CAPZB: variants seen among roughly 807,000 people sequenced by gnomAD.
The protein encoded by CAPZB is capping actin protein of muscle Z-line subunit beta.
Under a neutral mutation model 38.1 loss-of-function variants are expected in CAPZB, and 2 were observed. That is an observed-to-expected ratio of 0.05 (90% confidence interval 0.02 to 0.17). CAPZB has a LOEUF of 0.17. CAPZB is among the 10% of genes least tolerant of loss of function. The pLI is 1.00. For missense variants in CAPZB, 161 were observed against 334.2 expected, an observed-to-expected ratio of 0.48 and a Z score of 4.04; for synonymous variants, 107 against 127.4, an observed-to-expected ratio of 0.84 and a Z score of 1.08.
At chr1:19,426,172 C>A (rs1432464433) in intron 1 of CAPZB, among the ~76,000 whole-genome samples, 1 of 152,188 alleles carries the variant, frequency 6.6e-6, no homozygotes, top group Non-Finnish European at 1.5e-5. Context: ...TATGCTGGCC[C>A]GAGGAGCTAG....
At chr1:19,408,784 A>G (rs1186914875) in intron 2 of CAPZB, among the ~76,000 whole-genome samples, 3 of 152,220 alleles carry the variant, frequency 2.0e-5, no homozygotes, top group Non-Finnish European at 4.4e-5. Flanking sequence ...GGCAGACTCA[A>G]AGCCACAGCC....
intron 8 of CAPZB, among the ~76,000 whole-genome samples, chr1:19,342,100 C>T (rs187774634): frequency 1.6e-4 from 24 of 152,350 alleles, no homozygotes; most frequent in Admixed American, 5.2e-4. Context: ...TTTCCATTAG[C>T]GAAACCTGTT....
intron 2 of CAPZB, among the ~76,000 whole-genome samples, chr1:19,395,160 G>A (rs2094259927): frequency 6.6e-6 from 1 of 152,216 alleles, no homozygotes; most frequent in Non-Finnish European, 1.5e-5. Context: ...CGAGGGTGCA[G>A]CAGCATCTGT....
intron 2 of CAPZB, among the ~76,000 whole-genome samples, chr1:19,398,940 T>C (rs1464472048): frequency 6.7e-6 from 1 of 149,592 alleles, no homozygotes; most frequent in Non-Finnish European, 1.5e-5. Flanking sequence ...TACCGCAACC[T>C]CCGCCTCCCA....
intron 1 of CAPZB, among the ~76,000 whole-genome samples, chr1:19,448,587 G>T (rs1289625765): frequency 6.6e-6 from 1 of 152,192 alleles, no homozygotes; most frequent in Non-Finnish European, 1.5e-5. Flanking sequence ...TGCTGTAGGG[G>T]TTTTTTCTTA....
At chr1:19,411,758 T>C (rs928582022) in intron 2 of CAPZB, among the ~76,000 whole-genome samples, 1 of 152,238 alleles carries the variant, frequency 6.6e-6, no homozygotes, top group South Asian at 2.1e-4. Flanking sequence ...ATGAGGGAGC[T>C]GGTCAGGTAA....
chr1:19,387,925 A>G (rs775314049), intron 2 of CAPZB, among the ~76,000 whole-genome samples: 1 of 152,134 alleles, frequency 6.6e-6, no homozygotes, highest in African/African-American at 2.4e-5. Context: ...CCTTTAGACA[A>G]TATCATCTGT....
chr1:19,478,864 C>T (rs1056490126), intron 1 of CAPZB, among the ~76,000 whole-genome samples: 3 of 152,176 alleles, frequency 2.0e-5, no homozygotes, highest in African/African-American at 7.2e-5. Context: ...ATGAGGGTGA[C>T]ATGAGAATCT....
At chr1:19,420,885 C>T (rs540323209) in intron 1 of CAPZB, among the ~76,000 whole-genome samples, 1 of 152,100 alleles carries the variant, frequency 6.6e-6, no homozygotes, top group African/African-American at 2.4e-5. Flanking sequence ...GGGAACAGAG[C>T]GGAGGCAAGG....
intron 2 of CAPZB, among the ~76,000 whole-genome samples, chr1:19,405,512 C>A (rs900826605): frequency 1.5e-5 from 2 of 131,036 alleles, no homozygotes; most frequent in African/African-American, 6.0e-5. Flanking sequence ...CTACTCCCAA[C>A]TGATGTTCAA....
At chr1:19,464,643 G>A (rs907411578) in intron 1 of CAPZB, among the ~76,000 whole-genome samples, 1 of 152,090 alleles carries the variant, frequency 6.6e-6, no homozygotes, top group African/African-American at 2.4e-5. Context: ...AAAACTGGAG[G>A]CAACCCAAAT....
chr1:19,472,683 C>CT (rs1442025952), intron 1 of CAPZB, among the ~76,000 whole-genome samples: 1 of 149,170 alleles, frequency 6.7e-6, no homozygotes, highest in Non-Finnish European at 1.5e-5. Context: ...AGATGAAGAG[C>CT]TGCAACTACT....
intron 2 of CAPZB, among the ~76,000 whole-genome samples, chr1:19,411,937 G>A (rs1035975944): frequency 1.1e-4 from 16 of 152,194 alleles, no homozygotes; most frequent in African/African-American, 3.1e-4. Flanking sequence ...ATCCTCCGGA[G>A]AGGCCAGGAT....
chr1:19,471,771 A>G lies in CAPZB; in HGVS notation c.3+13665T>C, dbSNP rs140906720. 1.4e-3 allele frequency among the ~76,000 whole-genome samples: 209 copies of G among 151,762 alleles called. 2 individuals carry two copies. In the East Asian group the frequency reaches 0.029, roughly 21 times the overall value. The stretch of plus-strand genomic sequence containing the variant: ...AGTCCCAGCTACTCGGGAGGCTGAG[A>G]CAGGAGAATGGCGTGAACCAGGAGG... On this transcript the variant is annotated intron_variant, in intron 1 of 8. Transcript: ENST00000264202.
chr1:19,449,246 G>A, intron 1 of CAPZB: 1 of 1,091,030 alleles, frequency 9.2e-7, no homozygotes, highest in Non-Finnish European at 1.1e-6. Context: ...AACAAAGTGG[G>A]GTCTTGACAC....
rs2093917018 is a variant in CAPZB at position 19,339,634 on chromosome 1, G to A, written c.732-17C>T. Reference sequence around the variant, plus strand: ...TGCACAGACCTGCAAGGGAGGAAAGGCGTTATCAGCAGATTGAACAGGGAC... The same window carrying A: ...TGCACAGACCTGCAAGGGAGGAAAGACGTTATCAGCAGATTGAACAGGGAC... On this transcript the variant is annotated splice_polypyrimidine_tract_variant and intron_variant, in intron 8 of 8. Transcript: ENST00000264202. The A allele has an allele frequency of 6.3e-7, 1 of 1,590,130 alleles. No homozygotes were observed. Among genetic ancestry groups the A allele is most frequent in the African/African-American group, 1.3e-5 (1 of 74,460 alleles).
chr1:19,349,074 G>A (rs558488342), intron 6 of CAPZB, among the ~76,000 whole-genome samples: 108 of 152,190 alleles, frequency 7.1e-4, no homozygotes, highest in African/African-American at 2.1e-3. Context: ...CACCAACCTC[G>A]GCAGCACTGG....
intron 1 of CAPZB, among the ~76,000 whole-genome samples, chr1:19,441,549 C>T (rs192385434): frequency 2.3e-4 from 35 of 152,132 alleles, no homozygotes; most frequent in African/African-American, 7.2e-4. Flanking sequence ...ATGTTCACCC[C>T]TTTTTTTGCA....
intron 2 of CAPZB, among the ~76,000 whole-genome samples, chr1:19,411,053 A>G (rs1183149585): frequency 6.6e-6 from 1 of 152,162 alleles, no homozygotes; most frequent in African/African-American, 2.4e-5. Context: ...ATTAAAAGTT[A>G]CTTATTTTGG....
Sources: gnomAD v4.1 joint callset for allele counts (sites outside exome capture counted in the v4.1 genomes callset) on GRCh38, gnomAD v4.1.1 for gene constraint, MANE v1.5 for transcripts, NCBI Gene and HGNC (gene_info 2026-07-23, HGNC 2026-07-21) for gene names.